MLLT10: variants seen among roughly 807,000 people sequenced by gnomAD.
The protein encoded by MLLT10 is MLLT10 histone lysine methyltransferase DOT1L cofactor.
MLLT10 carries 30 observed loss-of-function variants against 129.1 expected under a neutral mutation model. The observed-to-expected ratio is 0.23, with a 90% CI of 0.17 to 0.32. The LOEUF is 0.32. Ranked by LOEUF, MLLT10 falls within the 10% of genes least tolerant of loss-of-function variation. MLLT10 has a pLI of 1.00. For missense variants in MLLT10, 1,119 were observed against 1,268.3 expected (o/e 0.88, Z 1.79); for synonymous variants, 490 against 446.4 (o/e 1.10, Z -1.23).
chr10:21,673,315 C>CCCCA, intron 10 of MLLT10, 35 bp from the exon 11 acceptor site: 6 of 616,706 alleles, frequency 9.7e-6, no homozygotes, highest in Non-Finnish European at 1.2e-5. Context: ...CCCCACCCCC[C>CCCCA]AACTTTTTTT....
intron 8 of MLLT10, among the ~76,000 whole-genome samples, chr10:21,639,702 G>A (rs933633187): frequency 6.6e-6 from 1 of 151,994 alleles, no homozygotes; most frequent in Non-Finnish European, 1.5e-5. Context: ...GGAAACCCAA[G>A]CAGGCCTGTA....
chr10:21,596,176 G>A (rs2043000433), intron 5 of MLLT10, among the ~76,000 whole-genome samples: 1 of 151,904 alleles, frequency 6.6e-6, no homozygotes, highest in Admixed American at 6.6e-5. Context: ...ATAAATATAA[G>A]ACAAAAATCA....
At chr10:21,631,060 C>T (rs985153829) in intron 8 of MLLT10, among the ~76,000 whole-genome samples, 5 of 151,974 alleles carry the variant, frequency 3.3e-5, no homozygotes, top group Admixed American at 6.6e-5. Context: ...CCTGTAATCC[C>T]AGCACTTGGG....
chr10:21,567,211 A>G lies in MLLT10; in HGVS notation c.241-19083A>G, dbSNP rs200909570. Among the ~76,000 whole-genome samples the G allele has an allele frequency of 3.3e-5, 5 of 152,346 alleles. No individual in the cohort carries two copies. The East Asian group carries it at 7.7e-4, about 24-fold the overall frequency. On this transcript the variant is annotated intron_variant, in intron 3 of 22. Transcript: ENST00000307729. Reference sequence around the variant, plus strand: ...ACTTACTTAAACAACTGTTTTAACTAGTGTTCTCTTACACTTATCTAACAA... The same window carrying G: ...ACTTACTTAAACAACTGTTTTAACTGGTGTTCTCTTACACTTATCTAACAA...
chr10:21,723,417 C>A (rs1356624073), intron 14 of MLLT10, among the ~76,000 whole-genome samples: 1 of 152,118 alleles, frequency 6.6e-6, no homozygotes, highest in African/African-American at 2.4e-5. Context: ...GGATTCTTAT[C>A]TAAGGCAAGT....
intron 11 of MLLT10, among the ~76,000 whole-genome samples, chr10:21,674,657 C>T (rs1005165547): frequency 3.3e-5 from 5 of 152,072 alleles, no homozygotes; most frequent in Admixed American, 3.3e-4. Context: ...TTTAGACAGA[C>T]CCTTAACAGT....
intron 3 of MLLT10, among the ~76,000 whole-genome samples, chr10:21,543,583 A>T (rs1020312916): frequency 6.6e-6 from 1 of 152,144 alleles, no homozygotes; most frequent in Non-Finnish European, 1.5e-5. Context: ...GGTTCAAGCG[A>T]TTCTCCTGCC....
intron 3 of MLLT10, among the ~76,000 whole-genome samples, chr10:21,549,149 A>C (rs1237874142): frequency 8.2e-6 from 1 of 121,980 alleles, no homozygotes; most frequent in Non-Finnish European, 1.7e-5. Context: ...TTTAGACTTG[A>C]GTCTTGCTCT....
rs867886608 is a variant in MLLT10 at position 21,717,761 on chromosome 10, C to T, written c.1878+3811C>T. On this transcript the variant is annotated intron_variant, in intron 14 of 22. Coordinates refer to ENST00000307729, the MANE Select transcript of MLLT10 (RefSeq NM_001195626.3). ...CTTCCTCCTCCTCTTCCTCCTCCTC[C>T]TCCTCCGCTGCTGCTGCTGCTTCTT... 3.5e-3 allele frequency among the ~76,000 whole-genome samples: 407 copies of T among 115,428 alleles called. 7 individuals carry two copies. Among genetic ancestry groups the T allele is most frequent in the Non-Finnish European group, 5.2e-3 (289 of 55,826 alleles). The allele number at this position is 115,428 out of a possible 152,430, so 75.7% of individuals were successfully genotyped here. A position where few individuals can be genotyped will look rare whatever the true frequency, so the allele number is the denominator to read the frequency against.
intron 13 of MLLT10, among the ~76,000 whole-genome samples, chr10:21,692,653 T>A (rs1177670258): frequency 6.6e-6 from 1 of 151,864 alleles, no homozygotes; most frequent in African/African-American, 2.4e-5. Flanking sequence ...TAATTTTTTT[T>A]TTTTTCTTTT....
chr10:21,703,510 C>T (rs1381267911), intron 13 of MLLT10, among the ~76,000 whole-genome samples: 2 of 152,044 alleles, frequency 1.3e-5, no homozygotes, highest in Non-Finnish European at 2.9e-5. Flanking sequence ...CTTAGAGCCT[C>T]CTCTATCTGG....
At chr10:21,718,151 T>C (rs1417767145) in intron 14 of MLLT10, among the ~76,000 whole-genome samples, 1 of 152,010 alleles carries the variant, frequency 6.6e-6, no homozygotes, top group African/African-American at 2.4e-5. Context: ...GGCCTCTATT[T>C]TATATTCTTA....
At chr10:21,617,972 C>T (rs2045433139) in intron 8 of MLLT10, among the ~76,000 whole-genome samples, 1 of 151,934 alleles carries the variant, frequency 6.6e-6, no homozygotes, top group Non-Finnish European at 1.5e-5. Flanking sequence ...TGGGATTGTG[C>T]CAGTGCACAC....
intron 8 of MLLT10, among the ~76,000 whole-genome samples, chr10:21,637,106 C>T (rs1241485692): frequency 6.6e-6 from 1 of 152,160 alleles, no homozygotes; most frequent in Non-Finnish European, 1.5e-5. Context: ...TCCAAATCTC[C>T]AGTGGGTGCC....
intron 8 of MLLT10, among the ~76,000 whole-genome samples, chr10:21,633,596 G>C (rs2047197302): frequency 6.6e-6 from 1 of 152,174 alleles, no homozygotes; most frequent in South Asian, 2.1e-4. Flanking sequence ...TTAGGAGGCT[G>C]AGGTGGGAGG....
intron 8 of MLLT10, among the ~76,000 whole-genome samples, chr10:21,621,137 C>A (rs1223213574): frequency 1.7e-4 from 25 of 146,628 alleles, no homozygotes; most frequent in Middle Eastern, 7.4e-3. Flanking sequence ...GCGCCCGCCA[C>A]CACGCCCGGC....
At chr10:21,717,677 TTCC>T (rs1218411767) in intron 14 of MLLT10, among the ~76,000 whole-genome samples, 508 of 19,522 alleles carry the variant, frequency 0.026, 10 homozygotes, top group East Asian at 0.064. Flanking sequence ...CCTCCTCCTC[TTCC>T]TCCTCCTCCT....
At chr10:21,543,468 T>C (rs2035555702) in intron 3 of MLLT10, among the ~76,000 whole-genome samples, 1 of 151,994 alleles carries the variant, frequency 6.6e-6, no homozygotes, top group African/African-American at 2.4e-5. Flanking sequence ...TAAAATTATA[T>C]TTAAAAATAT....
In MLLT10 at chr10:21,662,264, A is replaced by G. The variant is rs2050289116; in HGVS notation, c.796-8185A>G. Among the ~76,000 whole-genome samples the G allele has an allele frequency of 2.0e-5, 3 of 152,122 alleles. No individual in the cohort carries two copies. In the East Asian group the frequency reaches 5.8e-4, roughly 29 times the overall value. ...ATAGCTGGTTTGGCTACTGCCATTT[A>G]TTCGAGGGGAAGTTTTTGGACGTTA... On this transcript the variant is annotated intron_variant, in intron 9 of 22. Transcript: ENST00000307729.
Sources: allele counts gnomAD v4.1 joint callset (sites outside exome capture counted in the v4.1 genomes callset), GRCh38; gene constraint gnomAD v4.1.1; transcripts MANE v1.5; gene names NCBI Gene and HGNC (gene_info 2026-07-23, HGNC 2026-07-21).